The following INPP4B variants were observed in gnomAD, a reference collection of about 807,000 sequenced individuals.
The protein encoded by INPP4B is inositol polyphosphate-4-phosphatase type II B.
A neutral mutation model predicts 122.5 loss-of-function variants in INPP4B; 55 were observed. The observed-to-expected ratio is 0.45, with a 90% confidence interval of 0.36 to 0.56. The LOEUF (loss-of-function observed/expected upper bound fraction) is 0.56, where lower values mean the gene tolerates loss of function less well. Among genes scored for constraint, INPP4B ranks in the 20% least tolerant of loss-of-function variants. INPP4B has a pLI of 0.00. For synonymous variants in INPP4B, 403 were observed against 388.7 expected (o/e 1.04, Z -0.43); for missense variants, 1,000 against 1,097.7 (o/e 0.91, Z 1.26).
At chr4:142,438,170 T>C (rs765334932) in intron 3 of INPP4B, among the ~76,000 whole-genome samples, 4 of 152,152 alleles carry the variant, frequency 2.6e-5, no homozygotes, top group African/African-American at 4.8e-5. Context: ...CAAACTACCA[T>C]TGACATTCTT....
At chr4:142,202,319 A>G (rs1312724563) in intron 14 of INPP4B, among the ~76,000 whole-genome samples, 1 of 152,092 alleles carries the variant, frequency 6.6e-6, no homozygotes, top group Non-Finnish European at 1.5e-5. Flanking sequence ...TAATGTCAAA[A>G]ATGAAGACAC....
intron 9 of INPP4B, among the ~76,000 whole-genome samples, chr4:142,293,158 C>T (rs1757158115): frequency 6.6e-6 from 1 of 151,776 alleles, no homozygotes; most frequent in South Asian, 2.1e-4. Flanking sequence ...ACTGCCTCAG[C>T]CTCCCAAGTA....
intron 1 of INPP4B, among the ~76,000 whole-genome samples, chr4:142,756,337 T>G (rs915738287): frequency 6.6e-6 from 1 of 152,070 alleles, no homozygotes; most frequent in Non-Finnish European, 1.5e-5. Context: ...GTTAACAAAA[T>G]TGAAACTGCC....
At chr4:142,355,961 T>C (rs1379020887) in intron 7 of INPP4B, among the ~76,000 whole-genome samples, 3 of 151,736 alleles carry the variant, frequency 2.0e-5, no homozygotes, top group Admixed American at 1.3e-4. Flanking sequence ...TAAGATTACC[T>C]ATTTTTAAAA....
chr4:142,308,580 G>C (rs1024143064), intron 8 of INPP4B, among the ~76,000 whole-genome samples: 1 of 152,028 alleles, frequency 6.6e-6, no homozygotes, highest in African/African-American at 2.4e-5. Flanking sequence ...TTATCTATGT[G>C]AATACTCACT....
chr4:142,536,568 T>C (rs1248376711), intron 2 of INPP4B, among the ~76,000 whole-genome samples: 1 of 152,128 alleles, frequency 6.6e-6, no homozygotes, highest in South Asian at 2.1e-4. Flanking sequence ...CAGCTGCACG[T>C]AGAGTGGTGT....
intron 3 of INPP4B, among the ~76,000 whole-genome samples, chr4:142,452,152 T>A (rs1814421215): frequency 6.6e-6 from 1 of 152,066 alleles, no homozygotes; most frequent in Admixed American, 6.5e-5. Context: ...GAACATGTGG[T>A]GTTTGGTTTT....
chr4:142,191,071 G>T (rs1835595872), intron 15 of INPP4B, among the ~76,000 whole-genome samples: 1 of 152,032 alleles, frequency 6.6e-6, no homozygotes, highest in African/African-American at 2.4e-5. Context: ...CAGACAAGAT[G>T]AAGTAAATGC....
In INPP4B at chr4:142,028,211, T is replaced by C. The variant is rs1737628184; in HGVS notation, c.*571A>G. 1 of 228,338 alleles carries C rather than the reference T, an allele frequency of 4.4e-6. No individual in the cohort carries two copies. The highest frequency in any genetic ancestry group is 8.7e-6 in the Non-Finnish European group (1 of 114,956). The allele number at this position is 228,338 out of a possible 1,614,324, so 14.1% of individuals were successfully genotyped here. ...CCTGTTGCAAGGGAGGAGTCACACC[T>C]TGACTGGATGATAGAGATCATTGTG... On this transcript the variant is annotated 3_prime_UTR_variant, in exon 26 of 26. Coordinates refer to ENST00000262992, the MANE Select transcript of INPP4B (RefSeq NM_001101669.3).
intron 1 of INPP4B, among the ~76,000 whole-genome samples, chr4:142,813,832 A>T (rs1456323519): frequency 6.6e-6 from 1 of 152,056 alleles, no homozygotes. Context: ...TGTCTTTGGG[A>T]AGTATTTATA....
intron 2 of INPP4B, chr4:142,660,974 G>A (rs557235452): frequency 9.8e-5 from 15 of 152,432 alleles, no homozygotes; most frequent in African/African-American, 3.4e-4. Context: ...TTCTTTAGAG[G>A]GGGGAATGAG....
intron 12 of INPP4B, among the ~76,000 whole-genome samples, chr4:142,224,094 C>A (rs915508465): frequency 6.6e-5 from 10 of 151,698 alleles, no homozygotes; most frequent in Admixed American, 2.0e-4. Flanking sequence ...TTCAGCCATG[C>A]CAAAAAAAAT....
At chr4:142,447,632 G>T (rs1346911240) in intron 3 of INPP4B, among the ~76,000 whole-genome samples, 3 of 152,204 alleles carry the variant, frequency 2.0e-5, no homozygotes, top group Non-Finnish European at 4.4e-5. Flanking sequence ...AAGGATCACA[G>T]TCACGGCCTG....
At chr4:142,637,652 G>A (rs1167274036) in intron 2 of INPP4B, among the ~76,000 whole-genome samples, 2 of 152,172 alleles carry the variant, frequency 1.3e-5, no homozygotes, top group Admixed American at 6.5e-5. Context: ...TAAAGCTGCT[G>A]TAAACATTCA....
intron 7 of INPP4B, among the ~76,000 whole-genome samples, chr4:142,323,655 C>T (rs1771105471): frequency 6.6e-6 from 1 of 151,846 alleles, no homozygotes; most frequent in South Asian, 2.1e-4. Flanking sequence ...CCATGTTAGC[C>T]AGGATGGTCT....
intron 25 of INPP4B, among the ~76,000 whole-genome samples, chr4:142,051,041 G>C (rs1446827797): frequency 2.0e-5 from 3 of 151,902 alleles, no homozygotes; most frequent in African/African-American, 7.3e-5. Flanking sequence ...TCTAGAAATT[G>C]CTACCTGATT....
At chr4:142,057,177 C>A (rs753449925) in intron 25 of INPP4B, among the ~76,000 whole-genome samples, 5 of 151,994 alleles carry the variant, frequency 3.3e-5, no homozygotes, top group Non-Finnish European at 5.9e-5. Flanking sequence ...TCACACAAAT[C>A]AAAAATTAGG....
intron 1 of INPP4B, among the ~76,000 whole-genome samples, chr4:142,827,400 C>T (rs150669495): frequency 1.8e-4 from 28 of 152,278 alleles, no homozygotes; most frequent in Non-Finnish European, 3.5e-4. Context: ...CAAAGTCACA[C>T]ACAAACTAGA....
chr4:142,333,027 A>C (rs190165), intron 7 of INPP4B, among the ~76,000 whole-genome samples: 11,037 of 143,504 alleles, frequency 0.077, 410 homozygotes, highest in Middle Eastern at 0.11. Context: ...AAAAAAAAAA[A>C]CAAAAAAAAA....
Sources: allele counts gnomAD v4.1 joint callset (sites outside exome capture counted in the v4.1 genomes callset), GRCh38; gene constraint gnomAD v4.1.1; transcripts MANE v1.5; gene names NCBI Gene and HGNC (gene_info 2026-07-23, HGNC 2026-07-21).